DECR1: variants seen among roughly 807,000 people sequenced by gnomAD.
DECR1 encodes 2,4-dienoyl-CoA reductase [(3E)-enoyl-CoA-producing], mitochondrial.
DECR1 carries 44 observed loss-of-function variants against 38.8 expected under a neutral mutation model. The observed-to-expected ratio is 1.13, with a 90% CI of 0.89 to 1.46. The LOEUF is 1.46. DECR1 is among the 40% of genes most tolerant of loss of function. The pLI is 0.00. For synonymous variants in DECR1, 148 were observed against 135.2 expected (o/e 1.09, Z -0.66); for missense variants, 428 against 405.5 (o/e 1.06, Z -0.48).
At chr8:90,024,120 A>T (rs1283271588) in intron 5 of DECR1, among the ~76,000 whole-genome samples, 8 of 152,244 alleles carry the variant, frequency 5.3e-5, no homozygotes, top group Middle Eastern at 3.4e-3. Context: ...TCTATCATTG[A>T]TGGACATTTG....
chr8:90,052,100 A>G lies in DECR1; in HGVS notation c.*203A>G, dbSNP rs1266540970. The G allele has an allele frequency of 3.8e-6, 2 of 522,010 alleles. No individual in the cohort carries two copies. The highest frequency in any genetic ancestry group is 3.2e-5 in the East Asian group (1 of 31,538). 32.3% of individuals were successfully genotyped at this position (522,010 alleles called of 1,614,324 possible). On this transcript the variant is annotated 3_prime_UTR_variant, in exon 10 of 10. Transcript: ENST00000220764. ...ATAGTCCTTCAAAACATTAAAAAAA[A>G]AAAAAGGAGGCATGGGGAGAGTAGG... is the stretch of plus-strand genomic sequence containing the variant.
chr8:90,032,295 A>C (rs1813516261), intron 5 of DECR1, among the ~76,000 whole-genome samples: 2 of 152,076 alleles, frequency 1.3e-5, no homozygotes, highest in African/African-American at 4.8e-5. Context: ...TTACATAGGG[A>C]CTGGTACATC....
intron 8 of DECR1, among the ~76,000 whole-genome samples, chr8:90,048,391 G>C (rs1436939814): frequency 1.3e-5 from 2 of 152,120 alleles, no homozygotes; most frequent in Non-Finnish European, 2.9e-5. Flanking sequence ...ACTCCCATCA[G>C]AGAATACTAT....
intron 4 of DECR1, 33 bp from the exon 5 acceptor site, chr8:90,020,876 A>C (rs1024958312): frequency 6.7e-7 from 1 of 1,493,344 alleles, no homozygotes; most frequent in Non-Finnish European, 8.9e-7. Flanking sequence ...TCCTCATCTA[A>C]AGTTTCTGTA....
At chr8:90,007,790 A>C in intron 1 of DECR1, among the ~76,000 whole-genome samples, 1 of 152,238 alleles carries the variant, frequency 6.6e-6, no homozygotes, top group East Asian at 1.9e-4. Context: ...GATGTTTAGC[A>C]ACTTTTAGTT....
chr8:90,037,397 A>G (rs1056790046), intron 6 of DECR1, among the ~76,000 whole-genome samples: 15 of 151,028 alleles, frequency 9.9e-5, no homozygotes, highest in Non-Finnish European at 2.1e-4. Context: ...ACTAACACAG[A>G]CTATGAGCAC....
intron 4 of DECR1, among the ~76,000 whole-genome samples, chr8:90,020,241 G>T (rs1284948821): frequency 6.6e-6 from 1 of 152,176 alleles, no homozygotes; most frequent in Non-Finnish European, 1.5e-5. Flanking sequence ...ATGGTAAATA[G>T]ATCATCAACC....
intron 8 of DECR1, among the ~76,000 whole-genome samples, chr8:90,045,753 C>G (rs1342469576): frequency 1.3e-5 from 2 of 152,190 alleles, no homozygotes; most frequent in Non-Finnish European, 2.9e-5. Flanking sequence ...GCCCTTGACC[C>G]CCGAGTAGCC....
At chr8:90,050,301 A>T (rs1427627256) in intron 8 of DECR1, among the ~76,000 whole-genome samples, 1 of 152,244 alleles carries the variant, frequency 6.6e-6, no homozygotes, top group East Asian at 1.9e-4. Flanking sequence ...TAATATCCAG[A>T]ATCTACAAAG....
chr8:90,011,562 T>G (rs1812883535), intron 1 of DECR1, among the ~76,000 whole-genome samples: 1 of 152,218 alleles, frequency 6.6e-6, no homozygotes. Context: ...TTAACAAAAT[T>G]AAGCTTTCCA....
chr8:90,041,236 T>C (rs966028426), intron 6 of DECR1, among the ~76,000 whole-genome samples: 3 of 152,234 alleles, frequency 2.0e-5, no homozygotes, highest in African/African-American at 7.2e-5. Context: ...GATGAGCTTT[T>C]TTTTTCATAG....
intron 5 of DECR1, 56 bp downstream of exon 5, chr8:90,021,112 T>C: frequency 2.8e-6 from 4 of 1,419,226 alleles, no homozygotes; most frequent in Non-Finnish European, 3.8e-6. Flanking sequence ...CAAGGTTCTG[T>C]GGTAAGCTCT....
At chr8:90,022,687 C>T (rs1261111420) in intron 5 of DECR1, among the ~76,000 whole-genome samples, 2 of 151,958 alleles carry the variant, frequency 1.3e-5, no homozygotes, top group African/African-American at 2.4e-5. Flanking sequence ...TTCTCTACTG[C>T]TCTGCCTCTG....
chr8:90,052,227 C>T lies in DECR1; in HGVS notation c.*330C>T, dbSNP rs4961169. On this transcript the variant is annotated 3_prime_UTR_variant, in exon 10 of 10. Coordinates refer to ENST00000220764, the MANE Select transcript of DECR1 (RefSeq NM_001359.2). ...AAAATCAGGAGAAACTCAATGGTGGCGGTAGCATTTGAGTTACATAATATA... is the reference window on the plus strand; with the variant it reads ...AAAATCAGGAGAAACTCAATGGTGGTGGTAGCATTTGAGTTACATAATATA... 6.1e-5 allele frequency: 15 copies of T among 244,614 alleles called. No individual in the cohort carries two copies. Among genetic ancestry groups the T allele is most frequent in the Non-Finnish European group, 1.1e-4 (14 of 127,904 alleles). The allele number at this position is 244,614 out of a possible 1,614,324, so 15.2% of individuals were successfully genotyped here.
At chr8:90,019,285 A>C in intron 4 of DECR1, 113 bp downstream of exon 4, 4 of 839,154 alleles carry the variant, frequency 4.8e-6, no homozygotes, top group Non-Finnish European at 7.6e-6. Flanking sequence ...GCAAGCCCGA[A>C]TCTGGGGCTT....
chr8:90,048,762 C>T (rs1813984335), intron 8 of DECR1, among the ~76,000 whole-genome samples: 1 of 152,268 alleles, frequency 6.6e-6, no homozygotes, highest in South Asian at 2.1e-4. Flanking sequence ...ACCAATATTC[C>T]TGATGAACAT....
In DECR1 at chr8:90,053,587, A is replaced by G. The variant is rs1360394468; in HGVS notation, c.*1690A>G. Among the ~76,000 whole-genome samples the G allele has an allele frequency of 1.3e-5, 2 of 152,148 alleles. No individual in the cohort carries two copies. The highest frequency in any genetic ancestry group is 4.8e-5 in the African/African-American group (2 of 41,432). On this transcript the variant is annotated 3_prime_UTR_variant, in exon 10 of 10. Transcript: ENST00000220764. ...TATTTCTCTTTCTGGTTAAATTTAT[A>G]CTAAATGTTTACATTTATATAACTT...
intron 7 of DECR1, among the ~76,000 whole-genome samples, 161 bp from the exon 8 acceptor site, chr8:90,044,688 A>T (rs1237509144): frequency 6.7e-6 from 1 of 150,030 alleles, no homozygotes; most frequent in Non-Finnish European, 1.5e-5. Context: ...CCAGTGATCT[A>T]TTTTTTTTTT....
At chr8:90,044,818 A>G (rs1053874312) in intron 7 of DECR1, 31 bp from the exon 8 acceptor site, 2 of 1,586,900 alleles carry the variant, frequency 1.3e-6, no homozygotes, top group East Asian at 2.3e-5. Flanking sequence ...GAAAAACCCG[A>G]CACAACCTAA....
Sources: allele counts gnomAD v4.1 joint callset (sites outside exome capture counted in the v4.1 genomes callset), GRCh38; gene constraint gnomAD v4.1.1; transcripts MANE v1.5; gene names NCBI Gene and HGNC (gene_info 2026-07-23, HGNC 2026-07-21).